AOAH: variants seen among roughly 807,000 people sequenced by gnomAD.
The protein encoded by AOAH is acyloxyacyl hydrolase, also known as acyloxyacyl hydrolase (neutrophil).
In AOAH, 64 loss-of-function variants were observed where a neutral mutation model predicts 92.2. The ratio of observed to expected loss-of-function variants is 0.69; its 90% CI spans 0.57 to 0.86. The LOEUF (loss-of-function observed/expected upper bound fraction) is 0.86, where lower values mean the gene tolerates loss of function less well. Ranked by LOEUF, AOAH falls within the 40% of genes least tolerant of loss-of-function variation. The pLI, the probability that AOAH is intolerant of heterozygous loss-of-function variation, is 0.00. For synonymous variants in AOAH, 263 were observed against 254.5 expected, an observed-to-expected ratio of 1.03 and a Z score of -0.32; for missense variants, 656 against 694.6, an observed-to-expected ratio of 0.94 and a Z score of 0.62.
intron 1 of AOAH, chr7:36,690,128 G>T (rs1254329261): frequency 2.2e-6 from 1 of 450,876 alleles, no homozygotes; most frequent in Non-Finnish European, 4.4e-6. Flanking sequence ...ATTTCACTCA[G>T]AGAAATCCCA....
chr7:36,690,030 G>T, intron 1 of AOAH: 2 of 318,810 alleles, frequency 6.3e-6, no homozygotes, highest in South Asian at 5.2e-5. Flanking sequence ...GTTTTAATCC[G>T]TGGCTTAGAA....
intron 13 of AOAH, among the ~76,000 whole-genome samples, chr7:36,557,061 T>TG: frequency 6.6e-6 from 1 of 152,328 alleles, no homozygotes; most frequent in South Asian, 2.1e-4. Context: ...CGTTAGTTGA[T>TG]GCAGTTTCTT....
chr7:36,589,042 C>T (rs1231934919), intron 12 of AOAH, among the ~76,000 whole-genome samples: 1 of 140,462 alleles, frequency 7.1e-6, no homozygotes, highest in Non-Finnish European at 1.5e-5. Context: ...TGAATTTTAG[C>T]TTTTTACTTT....
At chr7:36,570,056 C>T (rs537159518) in intron 13 of AOAH, among the ~76,000 whole-genome samples, 20 of 152,122 alleles carry the variant, frequency 1.3e-4, no homozygotes, top group African/African-American at 3.6e-4. Flanking sequence ...GATTTTTAAG[C>T]GCACAATACA....
chr7:36,585,442 A>G (rs1163221065), intron 12 of AOAH, among the ~76,000 whole-genome samples: 1 of 152,216 alleles, frequency 6.6e-6, no homozygotes. Context: ...GCCCATTTGG[A>G]GGCCTTATTA....
chr7:36,521,304 T>C (rs1304189567), intron 20 of AOAH, among the ~76,000 whole-genome samples: 2 of 152,200 alleles, frequency 1.3e-5, no homozygotes, highest in Non-Finnish European at 2.9e-5. Context: ...TTCAACATTT[T>C]ACAAGTGGCA....
intron 11 of AOAH, among the ~76,000 whole-genome samples, chr7:36,601,244 T>C (rs894652713): frequency 1.8e-4 from 27 of 152,250 alleles, no homozygotes; most frequent in African/African-American, 6.5e-4. Flanking sequence ...AATTTAACTC[T>C]GTGCATTTGA....
chr7:36,548,764 T>C (rs902741805), intron 14 of AOAH, 78 bp from the exon 15 acceptor site: 35 of 1,347,822 alleles, frequency 2.6e-5, no homozygotes, highest in Middle Eastern at 3.6e-4. Context: ...GGCTGGGCCT[T>C]TGAAAACAAT....
At chr7:36,692,283 G>A (rs1444107030) in intron 1 of AOAH, among the ~76,000 whole-genome samples, 2 of 152,104 alleles carry the variant, frequency 1.3e-5, no homozygotes, top group East Asian at 1.9e-4. Context: ...TCTTCTCCAC[G>A]AACTCTTTGA....
chr7:36,566,460 C>G (rs2116533366), intron 13 of AOAH, among the ~76,000 whole-genome samples: 1 of 146,934 alleles, frequency 6.8e-6, no homozygotes. Flanking sequence ...GTATTTAATT[C>G]TGACATTCAT....
At chr7:36,671,377 C>T (rs1219436417) in intron 3 of AOAH, among the ~76,000 whole-genome samples, 1 of 152,108 alleles carries the variant, frequency 6.6e-6, no homozygotes, top group Non-Finnish European at 1.5e-5. Flanking sequence ...AACATATAGT[C>T]AGTATTTTGC....
intron 1 of AOAH, among the ~76,000 whole-genome samples, chr7:36,689,739 G>A (rs4077339): frequency 0.55 from 84,086 of 151,960 alleles, 23,507 homozygotes; most frequent in East Asian, 0.65. Flanking sequence ...AAACAGCCTG[G>A]TATATTTCTC....
chr7:36,681,436 T>G (rs1280163306), intron 2 of AOAH, among the ~76,000 whole-genome samples: 1 of 152,140 alleles, frequency 6.6e-6, no homozygotes, highest in Non-Finnish European at 1.5e-5. Flanking sequence ...ACGCATACAG[T>G]AGACCATTGA....
chr7:36,626,753 T>C (rs1792690683), intron 6 of AOAH, among the ~76,000 whole-genome samples: 1 of 152,184 alleles, frequency 6.6e-6, no homozygotes. Context: ...TTTCAAATCA[T>C]ATCTGGCTCC....
intron 4 of AOAH, among the ~76,000 whole-genome samples, chr7:36,656,549 A>G (rs1794904121): frequency 2.6e-5 from 4 of 152,142 alleles, no homozygotes; most frequent in South Asian, 4.1e-4. Context: ...CGGCTGCTCT[A>G]CTACAGACAG....
intron 3 of AOAH, 40 bp downstream of exon 3, chr7:36,673,903 C>A (rs769398989): frequency 1.4e-6 from 2 of 1,448,492 alleles, no homozygotes; most frequent in Admixed American, 3.6e-5. Flanking sequence ...CTCCCATGTC[C>A]CAGCAATGGA....
chr7:36,549,532 C>A, intron 13 of AOAH, 57 bp from the exon 14 acceptor site: 1 of 1,211,224 alleles, frequency 8.3e-7, no homozygotes, highest in South Asian at 1.3e-5. Context: ...TTCACACTAT[C>A]AATATGGGAG....
intron 3 of AOAH, among the ~76,000 whole-genome samples, chr7:36,668,555 C>T (rs1252764547): frequency 6.6e-6 from 1 of 152,204 alleles, no homozygotes; most frequent in Non-Finnish European, 1.5e-5. Context: ...GGCGCTATCT[C>T]AGCTCACTGC....
intron 8 of AOAH, among the ~76,000 whole-genome samples, chr7:36,621,389 AG>A (rs1328221547): frequency 2.0e-5 from 3 of 152,218 alleles, no homozygotes; most frequent in African/African-American, 7.2e-5. Context: ...AGGCTGGATA[AG>A]TGTCTACAAT....
Sources: allele counts gnomAD v4.1 joint callset (sites outside exome capture counted in the v4.1 genomes callset), GRCh38; gene constraint gnomAD v4.1.1; transcripts MANE v1.5; gene names NCBI Gene and HGNC (gene_info 2026-07-23, HGNC 2026-07-21).